Variants in BCL11B observed in about 807,000 individuals in gnomAD.
BCL11B encodes the protein BCL11 transcription factor B, also known as B-cell lymphoma/leukemia 11B.
BCL11B carries 8 observed loss-of-function variants against 49.9 expected under a neutral mutation model. The observed-to-expected ratio is 0.16, with a 90% confidence interval of 0.09 to 0.29. BCL11B has a LOEUF of 0.29. Among genes scored for constraint, BCL11B ranks in the 10% least tolerant of loss-of-function variants. The pLI, the probability that BCL11B is intolerant of heterozygous loss-of-function variation, is 1.00. For synonymous variants in BCL11B, 739 were observed against 637.4 expected, an observed-to-expected ratio of 1.16 and a Z score of -2.40; for missense variants, 1,006 against 1,351.0, an observed-to-expected ratio of 0.74 and a Z score of 4.00.
At position 99,221,944 on chromosome 14, in the gene BCL11B, A is replaced by G. The variant is rs1438064593; in HGVS notation, c.640+9401T>C. Reference sequence around the variant, plus strand: ...GACCTGGGGGATCCTCCCGGGAACCATATCTGAGTTTGATCTGGTTTCCCT... The same window carrying G: ...GACCTGGGGGATCCTCCCGGGAACCGTATCTGAGTTTGATCTGGTTTCCCT... On this transcript the variant is annotated intron_variant, in intron 3 of 3. Coordinates refer to ENST00000357195, the MANE Select transcript of BCL11B (RefSeq NM_138576.4). 2.0e-5 allele frequency among the ~76,000 whole-genome samples: 3 copies of G among 152,314 alleles called. No individual in the cohort carries two copies. The East Asian group carries it at 5.8e-4, about 29-fold the overall frequency.
intron 2 of BCL11B, among the ~76,000 whole-genome samples, chr14:99,235,669 TC>T (rs1161504713): frequency 6.6e-6 from 1 of 151,774 alleles, no homozygotes; most frequent in Non-Finnish European, 1.5e-5. Flanking sequence ...ATCTTGGGCT[TC>T]TTTTTTTTTT....
intron 3 of BCL11B, among the ~76,000 whole-genome samples, chr14:99,191,168 C>A (rs981212566): frequency 6.6e-6 from 1 of 151,740 alleles, no homozygotes; most frequent in Non-Finnish European, 1.5e-5. Flanking sequence ...AGGAAACCTG[C>A]GGCAATATTT....
At chr14:99,229,268 G>A (rs145756322) in intron 3 of BCL11B, among the ~76,000 whole-genome samples, 2 of 152,272 alleles carry the variant, frequency 1.3e-5, no homozygotes, top group East Asian at 1.9e-4. Context: ...AATTCAAGAA[G>A]GCACACATGC....
intron 3 of BCL11B, among the ~76,000 whole-genome samples, chr14:99,216,916 G>T (rs1163182577): frequency 1.5e-5 from 2 of 132,680 alleles, no homozygotes; most frequent in Non-Finnish European, 3.7e-5. Context: ...ATATACATAT[G>T]TACTCACATG....
At position 99,271,288 on chromosome 14, in the gene BCL11B, AGCCGCCGCCGCGCCGCT is replaced by A. The variant is rs1889673288; in HGVS notation, c.-87_-71del. The stretch of plus-strand genomic sequence containing the variant: ...GGGGGGAGCCGGGGGAGGGGGTCCG[AGCCGCCGCCGCGCCGCT>A]GCCGCCGCTGCCGCCGCCGCCGCCG... On this transcript the variant is annotated 5_prime_UTR_variant, in exon 1 of 4. Transcript: ENST00000357195. 10 of 1,095,254 alleles carry A rather than the reference AGCCGCCGCCGCGCCGCT, an allele frequency of 9.1e-6. No individual in the cohort carries two copies. Among genetic ancestry groups the A allele is most frequent in the East Asian group, 6.5e-5 (2 of 30,854 alleles). The allele number at this position is 1,095,254 out of a possible 1,614,324, so 67.8% of individuals were successfully genotyped here. A position where few individuals can be genotyped will look rare whatever the true frequency, so the allele number is the denominator to read the frequency against.
intron 3 of BCL11B, among the ~76,000 whole-genome samples, chr14:99,181,792 C>T (rs1566798062): frequency 6.6e-6 from 1 of 152,198 alleles, no homozygotes; most frequent in Non-Finnish European, 1.5e-5. Flanking sequence ...ATCCCAGGGC[C>T]CCCTGTGGCA....
rs762403822 is a variant in BCL11B, at chr14:99,174,362, T to C, written c.2474A>G (p.Lys825Arg). 1.2e-6 allele frequency: 2 copies of C among 1,613,522 alleles called. No homozygotes were observed. The highest frequency in any genetic ancestry group is 2.7e-5 in the African/African-American group (2 of 74,936). ...RRSHTGERPY[K>R]CELCNYACAQ... ...GCACGCGTAGTTGCACAGCTCGCAC[T>C]TGTAAGGCCGCTCGCCGGTGTGGCT... is the stretch of plus-strand genomic sequence containing the variant. Residue 825 changes from lysine to arginine, a missense_variant, in exon 4 of 4, where the codon AAG becomes AGG. Around this residue, in one of 6 missense-constraint regions of BCL11B, gnomAD observed 24 missense variants for 128.4 expected, o/e 0.19. Transcript: ENST00000357195.
At chr14:99,267,229 A>T (rs1889508815) in intron 1 of BCL11B, among the ~76,000 whole-genome samples, 1 of 152,106 alleles carries the variant, frequency 6.6e-6, no homozygotes, top group African/African-American at 2.4e-5. Flanking sequence ...CCAGACAAAA[A>T]ATCGCCAAGG....
chr14:99,218,153 C>A (rs1180136814), intron 3 of BCL11B, among the ~76,000 whole-genome samples: 1 of 150,188 alleles, frequency 6.7e-6, no homozygotes, highest in Admixed American at 6.6e-5. Context: ...TCAAGCTCCG[C>A]CTCCCAGGTT....
At chr14:99,182,121 C>T (rs191219921) in intron 3 of BCL11B, among the ~76,000 whole-genome samples, 6 of 152,280 alleles carry the variant, frequency 3.9e-5, no homozygotes, top group East Asian at 1.9e-4. Flanking sequence ...AAATGTATTC[C>T]GTGAAACCTC....
At chr14:99,219,574 C>T (rs1179564500) in intron 3 of BCL11B, among the ~76,000 whole-genome samples, 2 of 152,126 alleles carry the variant, frequency 1.3e-5, no homozygotes, top group African/African-American at 2.4e-5. Flanking sequence ...CAGGGAGACC[C>T]CACAAGGCTC....
At position 99,232,240 on chromosome 14, in the gene BCL11B, C is replaced by T. The variant is rs988119085; in HGVS notation, c.428-683G>A. Among the ~76,000 whole-genome samples the T allele has an allele frequency of 5.3e-5, 8 of 152,118 alleles. No individual in the cohort carries two copies. Among genetic ancestry groups the T allele is most frequent in the Admixed American group, 2.0e-4 (3 of 15,280 alleles). ...CGCTGCTCACCCCCTCCTAACGTCTCGGCCTGGCTTGGGAGGCCTCCCGCC... is the reference window on the plus strand; with the variant it reads ...CGCTGCTCACCCCCTCCTAACGTCTTGGCCTGGCTTGGGAGGCCTCCCGCC... On this transcript the variant is annotated intron_variant, in intron 2 of 3. Transcript: ENST00000357195. This position sits in a 1 kb window ranked among gnomAD's most constrained non-coding sequence, Gnocchi z 5.1.
chr14:99,199,640 C>CTCTGTGTGTGTGTGTGTGTG (rs1168964373), intron 3 of BCL11B, among the ~76,000 whole-genome samples: 2 of 109,522 alleles, frequency 1.8e-5, no homozygotes, highest in African/African-American at 7.4e-5. Flanking sequence ...TGGCTAAATG[C>CTCTGTGTGTGTGTGTGTGTG]TGTGTGTGTG....
At chr14:99,196,272 G>A (rs1887176326) in intron 3 of BCL11B, among the ~76,000 whole-genome samples, 1 of 152,136 alleles carries the variant, frequency 6.6e-6, no homozygotes, top group African/African-American at 2.4e-5. Flanking sequence ...ACCAGGGGAG[G>A]AAAGGTTCCA....
At position 99,175,115 on chromosome 14, in the gene BCL11B, G is replaced by T; in HGVS notation, c.1721C>A (p.Pro574His). 1 of 1,593,132 alleles carries T rather than the reference G, an allele frequency of 6.3e-7. No homozygotes were observed. The highest frequency in any genetic ancestry group is 8.5e-7 in the Non-Finnish European group (1 of 1,171,840). Residue 574 changes from proline (P) to histidine (H), a missense_variant, in exon 4 of 4, where the codon CCC (proline) becomes CAC (histidine). Pro to His is a moderately conservative substitution (Grantham distance 77). Transcript: ENST00000357195. Reference sequence around the variant, plus strand: ...GCCGCCCCCCGCGCCCGGGACCCCGGGCACCCCACCACCGCCGTTCTCGCG... The same window carrying T: ...GCCGCCCCCCGCGCCCGGGACCCCGTGCACCCCACCACCGCCGTTCTCGCG... ...RNRENGGGGVPGVPGAGGGAA... is the reference protein window; with the variant it reads ...RNRENGGGGVHGVPGAGGGAA...
At chr14:99,181,470 CCCAACCCCTGAGCAGGGCT>C (rs956201083) in intron 3 of BCL11B, among the ~76,000 whole-genome samples, 2 of 152,228 alleles carry the variant, frequency 1.3e-5, no homozygotes, top group Admixed American at 1.3e-4. Context: ...CCTCAGGCTT[CCCAACCCCTGAGCAGGGCT>C]CCAGCCCCGC....
chr14:99,180,413 ATCT>A (rs1334872488), intron 3 of BCL11B, among the ~76,000 whole-genome samples: 7 of 152,124 alleles, frequency 4.6e-5, no homozygotes, highest in Non-Finnish European at 7.4e-5. Context: ...CCCACACTGG[ATCT>A]TCTTTGCTCC....
chr14:99,236,617 C>T (rs573916442), intron 2 of BCL11B, among the ~76,000 whole-genome samples: 6 of 152,196 alleles, frequency 3.9e-5, no homozygotes, highest in South Asian at 2.1e-4. Context: ...GGGGATGTGA[C>T]GCTGGAGAGC....
Position 99,169,889 on chromosome 14 carries a change from A to T in BCL11B, c.*4262T>A, listed in dbSNP as rs114831219. 5.7e-3 allele frequency: 1,309 copies of T among 229,348 alleles called. 19 individuals carry two copies. The highest frequency in any genetic ancestry group is 0.027 in the African/African-American group (1,211 of 45,172). 14.2% of individuals were successfully genotyped at this position (229,348 alleles called of 1,614,324 possible). ...CTCTAATGCCAAGTGGCAGGTTCCA[A>T]TTGGGGGCAACTTTGAACAAAGTTG... is the stretch of plus-strand genomic sequence containing the variant. On this transcript the variant is annotated 3_prime_UTR_variant, in exon 4 of 4. Transcript: ENST00000357195.
Sources: allele counts gnomAD v4.1 joint callset (sites outside exome capture counted in the v4.1 genomes callset), GRCh38; gene constraint gnomAD v4.1.1; regional missense constraint gnomAD v4.1.1; non-coding constraint Gnocchi (gnomAD v3.1); transcripts MANE v1.5; gene names NCBI Gene and HGNC (gene_info 2026-07-23, HGNC 2026-07-21).